MSRA: variants seen among roughly 807,000 people sequenced by gnomAD.
MSRA encodes the protein methionine sulfoxide reductase A.
In MSRA, 54 loss-of-function variants were observed where a neutral mutation model predicts 31.3. The observed-to-expected ratio is 1.73, with a 90% confidence interval of 1.39 to 2.17. MSRA has a LOEUF of 2.17. MSRA is among the 30% of genes most tolerant of loss of function. MSRA has a pLI of 0.00. For missense variants in MSRA, 507 were observed against 300.9 expected (o/e 1.69, Z -5.07); for synonymous variants, 169 against 116.5 (o/e 1.45, Z -2.90).
intron 1 of MSRA, among the ~76,000 whole-genome samples, chr8:10,147,883 A>G (rs888310946): frequency 2.0e-5 from 3 of 152,304 alleles, no homozygotes; most frequent in African/African-American, 7.2e-5. Flanking sequence ...GAGACCCCGG[A>G]CCACAACAAC....
At chr8:10,254,905 C>T (rs977169367) in intron 3 of MSRA, among the ~76,000 whole-genome samples, 3 of 152,218 alleles carry the variant, frequency 2.0e-5, no homozygotes, top group African/African-American at 4.8e-5. Context: ...ATGTGATCTA[C>T]AGAAACACGG....
At chr8:10,076,542 T>C (rs1280381947) in intron 1 of MSRA, among the ~76,000 whole-genome samples, 1 of 152,136 alleles carries the variant, frequency 6.6e-6, no homozygotes, top group Non-Finnish European at 1.5e-5. Context: ...TCAACATGGG[T>C]GTGCATTTAC....
chr8:10,287,655 G>C (rs1351491197), intron 3 of MSRA, among the ~76,000 whole-genome samples: 1 of 152,144 alleles, frequency 6.6e-6, no homozygotes, highest in Non-Finnish European at 1.5e-5. Context: ...TTTGCTCAGG[G>C]CTTTGTTTCC....
chr8:10,096,334 A>C, intron 1 of MSRA: 1 of 1,057,322 alleles, frequency 9.5e-7, no homozygotes, highest in Non-Finnish European at 1.1e-6. Flanking sequence ...CTTGGTCATT[A>C]TTTTTTTGTG....
intron 1 of MSRA, among the ~76,000 whole-genome samples, chr8:10,136,531 C>A (rs1376407702): frequency 6.6e-6 from 1 of 152,226 alleles, no homozygotes; most frequent in Non-Finnish European, 1.5e-5. Flanking sequence ...TTGACAGGAG[C>A]TATGGACTTG....
At chr8:10,259,310 A>G (rs1798346600) in intron 3 of MSRA, among the ~76,000 whole-genome samples, 1 of 152,200 alleles carries the variant, frequency 6.6e-6, no homozygotes, top group Non-Finnish European at 1.5e-5. Flanking sequence ...CAGAGGCTAA[A>G]TAAATGCAAT....
intron 1 of MSRA, among the ~76,000 whole-genome samples, chr8:10,125,825 T>C (rs1356438483): frequency 1.3e-5 from 2 of 152,228 alleles, no homozygotes; most frequent in Admixed American, 6.5e-5. Flanking sequence ...ATCACAGAAA[T>C]TGATACCAAT....
At chr8:10,355,245 G>T (rs957245606) in intron 5 of MSRA, among the ~76,000 whole-genome samples, 4 of 152,182 alleles carry the variant, frequency 2.6e-5, no homozygotes, top group African/African-American at 9.7e-5. Flanking sequence ...TGGAAGTGCT[G>T]AGTATTGTTT....
chr8:10,098,750 G>T (rs566463459), intron 1 of MSRA, among the ~76,000 whole-genome samples: 50 of 152,268 alleles, frequency 3.3e-4, no homozygotes, highest in Non-Finnish European at 5.4e-4. Flanking sequence ...TTATTGGCCA[G>T]AAAACTTGAG....
intron 5 of MSRA, among the ~76,000 whole-genome samples, chr8:10,425,081 C>G (rs1432487798): frequency 6.6e-6 from 1 of 152,168 alleles, no homozygotes; most frequent in East Asian, 1.9e-4. Flanking sequence ...CTTCCGTGGT[C>G]CCTTTCCCCT....
At chr8:10,182,354 C>G (rs1199805106) in intron 1 of MSRA, among the ~76,000 whole-genome samples, 1 of 152,168 alleles carries the variant, frequency 6.6e-6, no homozygotes, top group African/African-American at 2.4e-5. Flanking sequence ...AAACCTAGCA[C>G]CTTAAAACAA....
chr8:10,187,873 A>G (rs545403686), intron 1 of MSRA, among the ~76,000 whole-genome samples: 2 of 152,356 alleles, frequency 1.3e-5, no homozygotes, highest in Non-Finnish European at 2.9e-5. Context: ...TACAGTCATT[A>G]TACATGTAGA....
At chr8:10,303,036 G>A (rs1800932450) in intron 4 of MSRA, among the ~76,000 whole-genome samples, 1 of 152,226 alleles carries the variant, frequency 6.6e-6, no homozygotes, top group African/African-American at 2.4e-5. Flanking sequence ...CTTCTGGTAA[G>A]TCATCAATCC....
intron 1 of MSRA, among the ~76,000 whole-genome samples, chr8:10,076,357 T>C (rs1330000808): frequency 1.3e-5 from 2 of 152,204 alleles, no homozygotes; most frequent in Non-Finnish European, 2.9e-5. Context: ...CTGCGGTGTA[T>C]GGCACGTGGC....
chr8:10,150,533 C>A (rs890036847), intron 1 of MSRA, among the ~76,000 whole-genome samples: 5 of 152,150 alleles, frequency 3.3e-5, no homozygotes, highest in African/African-American at 1.2e-4. Flanking sequence ...CGGCTTACTA[C>A]ACGATAATTA....
intron 1 of MSRA, among the ~76,000 whole-genome samples, chr8:10,118,357 G>A (rs902689390): frequency 3.3e-5 from 5 of 152,146 alleles, no homozygotes; most frequent in Non-Finnish European, 5.9e-5. Context: ...GCACAGCTAT[G>A]TAAATCATGG....
chr8:10,155,468 C>G (rs909201234), intron 1 of MSRA, among the ~76,000 whole-genome samples: 8 of 152,238 alleles, frequency 5.3e-5, no homozygotes, highest in African/African-American at 1.9e-4. Context: ...TTCTCTCTCT[C>G]TCACTTTTCT....
intron 5 of MSRA, among the ~76,000 whole-genome samples, chr8:10,361,914 T>C (rs1368185510): frequency 6.6e-6 from 1 of 152,226 alleles, no homozygotes; most frequent in Non-Finnish European, 1.5e-5. Flanking sequence ...TTCCTTACCG[T>C]TGTCTTCCCC....
intron 3 of MSRA, among the ~76,000 whole-genome samples, chr8:10,293,410 C>T (rs1394431475): frequency 4.6e-5 from 7 of 152,320 alleles, no homozygotes; most frequent in Non-Finnish European, 2.9e-5. Flanking sequence ...CCGCTTCCTC[C>T]GTGTGCGTCT....
Sources: allele counts gnomAD v4.1 joint callset (sites outside exome capture counted in the v4.1 genomes callset), GRCh38; gene constraint gnomAD v4.1.1; transcripts MANE v1.5; gene names NCBI Gene and HGNC (gene_info 2026-07-23, HGNC 2026-07-21).